Variants in KNL1 observed in about 807,000 individuals in gnomAD.
KNL1 encodes kinetochore scaffold 1, also known as outer kinetochore KNL1 complex subunit KNL1.
KNL1 carries 66 observed loss-of-function variants against 201.3 expected under a neutral mutation model. The ratio of observed to expected loss-of-function variants is 0.33; its 90% CI spans 0.27 to 0.40. The LOEUF (loss-of-function observed/expected upper bound fraction) is 0.40. KNL1 is among the 10% of genes least tolerant of loss of function. The pLI is 1.00. For synonymous variants in KNL1, 895 were observed against 899.2 expected, an observed-to-expected ratio of 1.00 and a Z score of 0.08; for missense variants, 2,815 against 2,690.5, an observed-to-expected ratio of 1.05 and a Z score of -1.02.
At chr15:40,645,916 T>C in intron 16 of KNL1, 144 bp downstream of exon 16, 1 of 488,252 alleles carries the variant, frequency 2.0e-6, no homozygotes, top group Non-Finnish European at 3.6e-6. Context: ...AGGTTCAATT[T>C]GTCAAAAGTG....
At chr15:40,619,569 T>C (rs1034455293) in intron 9 of KNL1, among the ~76,000 whole-genome samples, 10 of 151,778 alleles carry the variant, frequency 6.6e-5, no homozygotes, top group African/African-American at 2.2e-4. Flanking sequence ...GCCTAGCTAA[T>C]TTTGTTCATT....
chr15:40,622,216 A>G lies in KNL1; in HGVS notation c.1952A>G (p.Tyr651Cys). 3.1e-6 allele frequency: 5 copies of G among 1,614,100 alleles called. No homozygotes were observed. Among genetic ancestry groups the G allele is most frequent in the South Asian group, 2.2e-5 (2 of 91,088 alleles). ...DKDWVLKILP[Y>C]LDKDSPQSAD... is the part of the protein sequence containing the mutation. ...GATTGGGTTTTGAAGATTTTGCCCTACCTTGATAAAGATTCTCCTCAGTCA... is the reference window on the plus strand; with the variant it reads ...GATTGGGTTTTGAAGATTTTGCCCTGCCTTGATAAAGATTCTCCTCAGTCA... Residue 651 changes from tyrosine (Y) to cysteine (C), a missense_variant, in exon 10 of 26, where the codon TAC becomes TGC. Physicochemically the swap from Tyr to Cys is radical, Grantham distance 194. Transcript: ENST00000399668.
In KNL1 at chr15:40,622,152, G is replaced by A; in HGVS notation, c.1888G>A (p.Ala630Thr). The A allele has an allele frequency of 6.2e-7, 1 of 1,614,034 alleles. No homozygotes were observed. Among genetic ancestry groups the A allele is most frequent in the East Asian group, 2.2e-5 (1 of 44,874 alleles). The change falls in exon 10 of 26, where the codon GCC becomes ACC. Residue 630 changes from alanine to threonine, a missense_variant. Physicochemically the swap from Ala to Thr is moderately conservative, Grantham distance 58. Transcript: ENST00000399668. ...ACCATTTCAGCGATCAGACATAATA[G>A]CCAAAAACAGCTTAACCGACACCTG... The part of the protein sequence containing the change: ...NEPFQRSDII[A>T]KNSLTDTWNK...
intron 13 of KNL1, among the ~76,000 whole-genome samples, chr15:40,632,409 G>T (rs1892937372): frequency 6.6e-6 from 1 of 152,034 alleles, no homozygotes; most frequent in South Asian, 2.1e-4. Flanking sequence ...AGGAATTTGA[G>T]ACCAGACCAG....
In KNL1 at chr15:40,625,624, C is replaced by G. The variant is rs556149056; in HGVS notation, c.5360C>G (p.Thr1787Arg). Residue 1787 changes from threonine to arginine, a missense_variant, in exon 10 of 26, where the codon ACG becomes AGG. Coordinates refer to ENST00000399668, the MANE Select transcript of KNL1 (RefSeq NM_144508.5). ...IRKNEIKFSD[T>R]TQDREIFDHH... ...AAAAATGAGATTAAGTTTAGTGATA[C>G]GACACAAGATCGGGAGGTGAGCTCT... The G allele has an allele frequency of 6.2e-7, 1 of 1,610,238 alleles. No individual in the cohort carries two copies. The highest frequency in any genetic ancestry group is 8.5e-7 in the Non-Finnish European group (1 of 1,178,518).
At chr15:40,637,567 C>T (rs1167204554) in intron 13 of KNL1, among the ~76,000 whole-genome samples, 2 of 152,120 alleles carry the variant, frequency 1.3e-5, no homozygotes, top group African/African-American at 4.8e-5. Flanking sequence ...CGTGACACCA[C>T]AAATGGAAAA....
At chr15:40,632,787 A>G (rs1011975783) in intron 13 of KNL1, among the ~76,000 whole-genome samples, 6 of 152,180 alleles carry the variant, frequency 3.9e-5, no homozygotes, top group African/African-American at 1.4e-4. Flanking sequence ...TGAGGGGCCT[A>G]GACTAGAGGA....
intron 7 of KNL1, 84 bp from the exon 8 acceptor site, chr15:40,615,257 C>G (rs1567004044): frequency 2.3e-6 from 1 of 434,386 alleles, no homozygotes; most frequent in Non-Finnish European, 4.2e-6. Flanking sequence ...AAGTCTTTCA[C>G]CTTCTGTACT....
intron 23 of KNL1, 37 bp downstream of exon 23, chr15:40,657,188 G>T: frequency 7.5e-7 from 1 of 1,331,740 alleles, no homozygotes; most frequent in East Asian, 2.3e-5. Context: ...GAAAATTTGT[G>T]ATATCTTTCC....
At chr15:40,631,543 G>A (rs1337524004) in intron 13 of KNL1, among the ~76,000 whole-genome samples, 4 of 152,008 alleles carry the variant, frequency 2.6e-5, no homozygotes, top group Non-Finnish European at 5.9e-5. Context: ...TTGAGCTCCT[G>A]GGCTTAAGCA....
At chr15:40,641,148 C>T in intron 14 of KNL1, 121 bp downstream of exon 14, 1 of 611,200 alleles carries the variant, frequency 1.6e-6, no homozygotes, top group East Asian at 3.0e-5. Flanking sequence ...CATTAATTGG[C>T]AGTGTGATGT....
rs1308869479 is a variant in KNL1 at position 40,629,281 on chromosome 15, A to G, written c.5592A>G (p.Gln1864=). The change falls in exon 13 of 26, where the codon CAA becomes CAG. Residue 1864 remains glutamine, a synonymous_variant. Coordinates refer to ENST00000399668, the MANE Select transcript of KNL1 (RefSeq NM_144508.5). ...TTTTTTTCTTTTCTCAGAAACTCCA[A>G]GATGGGAGAATAACAATAAGGGAGT... ...ICEESLREKL[Q]DGRITIREFF... 4 of 1,582,040 alleles carry G rather than the reference A, an allele frequency of 2.5e-6. No individual in the cohort carries two copies. The highest frequency in any genetic ancestry group is 1.2e-5 in the South Asian group (1 of 84,728).
At chr15:40,619,583 T>G (rs1016250420) in intron 9 of KNL1, among the ~76,000 whole-genome samples, 4 of 151,658 alleles carry the variant, frequency 2.6e-5, no homozygotes, top group African/African-American at 4.8e-5. Flanking sequence ...GTTCATTTTT[T>G]TGTAGAGACA....
chr15:40,628,877 T>C (rs1235611853), intron 12 of KNL1, among the ~76,000 whole-genome samples, 199 bp downstream of exon 12: 2 of 152,048 alleles, frequency 1.3e-5, no homozygotes, highest in Non-Finnish European at 2.9e-5. Flanking sequence ...GATTAAAAGG[T>C]ATTTGTTTTG....
chr15:40,606,598 ATTTTTCTTCT>A, intron 4 of KNL1, 146 bp downstream of exon 4: 1 of 531,216 alleles, frequency 1.9e-6, no homozygotes, highest in Non-Finnish European at 3.5e-6. Context: ...TTGATTTTTC[ATTTTTCTTCT>A]TTTTTCTAGG....
Position 40,622,085 on chromosome 15 carries a change from C to T in KNL1, c.1821C>T (p.Ser607=), listed in dbSNP as rs1892555918. ...STSESHSQSK[S]SSDECEEITK... ...GTGAATCTCACTCTCAGAGCAAAAG[C>T]TCTTCAGATGAATGTGAAGAAATTA... is the stretch of plus-strand genomic sequence containing the variant. The change falls in exon 10 of 26, where the codon AGC becomes AGT. Residue 607 remains serine (S), a synonymous_variant. Transcript: ENST00000399668. 5 of 1,613,944 alleles carry T rather than the reference C, an allele frequency of 3.1e-6. No homozygotes were observed. In the South Asian group the frequency reaches 4.4e-5, roughly 14 times the overall value.
intron 19 of KNL1, among the ~76,000 whole-genome samples, chr15:40,651,223 C>A (rs1893549173): frequency 6.6e-6 from 1 of 150,392 alleles, no homozygotes; most frequent in Non-Finnish European, 1.5e-5. Context: ...AGGATATCTT[C>A]ATGGATCCTA....
rs748392192 is a variant in KNL1, at chr15:40,621,450, C to G, written c.1186C>G (p.His396Asp). 1.8e-5 allele frequency: 29 copies of G among 1,613,744 alleles called. No homozygotes were observed. Among genetic ancestry groups the G allele is most frequent in the Middle Eastern group, 3.3e-4 (2 of 6,082 alleles). The change falls in exon 10 of 26, where the codon CAC becomes GAC. Residue 396 changes from histidine (H) to aspartate (D), a missense_variant. Around this residue, in one of 3 missense-constraint regions of KNL1, gnomAD observed 2,464 missense variants for 2,291.7 expected, o/e 1.08. Transcript: ENST00000399668. ...AAGTCATATTATGGGGGCAGAAACT[C>G]ACATAGTCTCACAGACTTGTAATCA... is the stretch of plus-strand genomic sequence containing the variant. ...TRSHIMGAET[H>D]IVSQTCNQDA...
At chr15:40,646,218 G>T (rs1048953429) in intron 16 of KNL1, among the ~76,000 whole-genome samples, 4 of 152,106 alleles carry the variant, frequency 2.6e-5, no homozygotes, top group Non-Finnish European at 5.9e-5. Flanking sequence ...CAAGCAATAT[G>T]CCCTTTCAGA....
Sources: allele counts gnomAD v4.1 joint callset (sites outside exome capture counted in the v4.1 genomes callset), GRCh38; gene constraint gnomAD v4.1.1; regional missense constraint gnomAD v4.1.1; transcripts MANE v1.5; gene names NCBI Gene and HGNC (gene_info 2026-07-23, HGNC 2026-07-21).